The following VPS13D variants were observed in gnomAD, a reference collection of about 807,000 sequenced individuals.
The protein encoded by VPS13D is vacuolar protein sorting 13 homolog D.
In VPS13D, 187 loss-of-function variants were observed where a neutral mutation model predicts 461.9. The observed-to-expected ratio is 0.40, with a 90% CI of 0.36 to 0.46. The LOEUF (loss-of-function observed/expected upper bound fraction) is 0.46. Among genes scored for constraint, VPS13D ranks in the 20% least tolerant of loss-of-function variants. The pLI, the probability that VPS13D is intolerant of heterozygous loss-of-function variation, is 0.60. For synonymous variants in VPS13D, 1,951 were observed against 1,986.3 expected, an observed-to-expected ratio of 0.98 and a Z score of 0.47; for missense variants, 4,711 against 5,364.9, an observed-to-expected ratio of 0.88 and a Z score of 3.81.
chr1:12,237,018 T>C (rs1053236366), intron 2 of VPS13D, among the ~76,000 whole-genome samples: 8 of 152,022 alleles, frequency 5.3e-5, no homozygotes, highest in African/African-American at 1.9e-4. Context: ...CAGTGTATGA[T>C]TGGATTGGCT....
At position 12,507,899 on chromosome 1, in the gene VPS13D, C is replaced by A. The variant is rs1248699937; in HGVS notation, c.13035+806C>A. 6.6e-6 allele frequency among the ~76,000 whole-genome samples: 1 copy of A among 152,258 alleles called. No individual in the cohort carries two copies. The highest frequency in any genetic ancestry group is 1.5e-5 in the Non-Finnish European group (1 of 68,046). ...CCTGCTCATTCTCACCCGGCATACC[C>A]GGATTTTGAAGCTTGCATTCAAGAA... On this transcript the variant is annotated intron_variant, in intron 69 of 69. Transcript: ENST00000620676. The surrounding 1 kb of genome is among the most constrained non-coding windows in gnomAD (Gnocchi z 5.3).
chr1:12,402,091 C>T (rs1644589608), intron 62 of VPS13D, among the ~76,000 whole-genome samples: 1 of 152,158 alleles, frequency 6.6e-6, no homozygotes, highest in Admixed American at 6.5e-5. Flanking sequence ...GACTCCAGGC[C>T]AAGAATCAGA....
At chr1:12,433,652 A>C (rs752810482) in intron 65 of VPS13D, among the ~76,000 whole-genome samples, 1 of 152,194 alleles carries the variant, frequency 6.6e-6, no homozygotes, top group Non-Finnish European at 1.5e-5. Context: ...GGGATCATTC[A>C]TTCAGGCCTG....
At chr1:12,493,527 C>T (rs1439024082) in intron 67 of VPS13D, among the ~76,000 whole-genome samples, 1 of 151,198 alleles carries the variant, frequency 6.6e-6, no homozygotes, top group Non-Finnish European at 1.5e-5. Flanking sequence ...CCTCCAGGTG[C>T]TCATAGGCTT....
Position 12,385,244 on chromosome 1 carries a change from T to G in VPS13D, c.11371-16T>G. 1 of 1,605,390 alleles carries G rather than the reference T, an allele frequency of 6.2e-7. No homozygotes were observed. The highest frequency in any genetic ancestry group is 1.7e-5 in the Admixed American group (1 of 59,802). On this transcript the variant is annotated splice_polypyrimidine_tract_variant and intron_variant, in intron 58 of 69. Coordinates refer to ENST00000620676, the MANE Select transcript of VPS13D (RefSeq NM_015378.4). ...AAGAGTGAATCATCTTCTTGTGGTG[T>G]TTTATTTGACTTCAGATAACAGATT...
chr1:12,235,571 A>G lies in VPS13D; in HGVS notation c.97+1208A>G, dbSNP rs187643563. On this transcript the variant is annotated intron_variant, in intron 2 of 69. Transcript: ENST00000620676. The stretch of plus-strand genomic sequence containing the variant: ...GCCTGGGCAACAAGAGTGAAACTCC[A>G]TCGCAAAAAATAAAAAATAAAAAAA... Among the ~76,000 whole-genome samples, 308 of 152,252 alleles carry G rather than the reference A, an allele frequency of 2.0e-3. 2 individuals carry two copies. Among genetic ancestry groups the G allele is most frequent in the African/African-American group, 7.2e-3 (300 of 41,562 alleles).
chr1:12,368,437 A>G, intron 52 of VPS13D, 31 bp from the exon 53 acceptor site: 1 of 1,580,352 alleles, frequency 6.3e-7, no homozygotes, highest in Non-Finnish European at 8.6e-7. Flanking sequence ...CCTACATTTT[A>G]TGTAGCCTCT....
chr1:12,303,805 A>G (rs1488063082), intron 25 of VPS13D, among the ~76,000 whole-genome samples: 1 of 152,244 alleles, frequency 6.6e-6, no homozygotes, highest in Admixed American at 6.5e-5. Flanking sequence ...AAGCCCTGGG[A>G]AGCTTAAAAG....
intron 54 of VPS13D, among the ~76,000 whole-genome samples, chr1:12,373,122 T>TTTG (rs1644147024): frequency 7.5e-6 from 1 of 132,926 alleles, no homozygotes; most frequent in Non-Finnish European, 1.6e-5. Context: ...TTTTTTTTTT[T>TTTG]GCTTTTTTTG....
Position 12,510,031 on chromosome 1 carries a change from G to T in VPS13D, c.*1007G>T, listed in dbSNP as rs1241537157. The T allele has an allele frequency of 6.6e-6, 1 of 152,284 alleles. No homozygotes were observed. Among genetic ancestry groups the T allele is most frequent in the Non-Finnish European group, 1.5e-5 (1 of 68,064 alleles). The allele number at this position is 152,284 out of a possible 1,614,324, so 9.4% of individuals were successfully genotyped here. A position where few individuals can be genotyped will look rare whatever the true frequency, so the allele number is the denominator to read the frequency against. On this transcript the variant is annotated 3_prime_UTR_variant, in exon 70 of 70. Coordinates refer to ENST00000620676, the MANE Select transcript of VPS13D (RefSeq NM_015378.4). ...AATAAAGCCACAGGCAGGCATCGTA[G>T]CTCCACAGCCCGAGGGGACACAGGA...
rs1274222393 is a variant in VPS13D at position 12,358,534 on chromosome 1, T to C, written c.10074T>C (p.Gly3358=). ...GGTGTCAGGGCTTCTCCCTGGATGG[T>C]GGTAGTGGTGTCCGAGCTTTGAAAG... ...PGWCQGFSLD[G]GSGVRALKVI... is the part of the protein sequence containing the mutation. The change falls in exon 50 of 70, where the codon GGT becomes GGC. Residue 3358 remains glycine, a synonymous_variant. Coordinates refer to ENST00000620676, the MANE Select transcript of VPS13D (RefSeq NM_015378.4). The C allele has an allele frequency of 6.2e-7, 1 of 1,613,998 alleles. No individual in the cohort carries two copies. Among genetic ancestry groups the C allele is most frequent in the African/African-American group, 1.3e-5 (1 of 74,890 alleles).
intron 63 of VPS13D, among the ~76,000 whole-genome samples, chr1:12,407,859 G>A (rs2101694602): frequency 6.6e-6 from 1 of 152,254 alleles, no homozygotes; most frequent in East Asian, 1.9e-4. Flanking sequence ...ATATTTGGTT[G>A]CAAGGACAAA....
chr1:12,283,422 C>A lies in VPS13D; in HGVS notation c.5320C>A (p.Leu1774Ile). The change falls in exon 21 of 70, where the codon CTT becomes ATT. Residue 1774 changes from leucine to isoleucine, a missense_variant. Transcript: ENST00000620676. Reference protein sequence around the residue: ...PSPTVDEPKILVGKSKFDDSL... With the variant: ...PSPTVDEPKIIVGKSKFDDSL... The stretch of plus-strand genomic sequence containing the variant: ...TCCAACAGTGGATGAGCCCAAGATA[C>A]TTGTTGGAAAGAGTAAATTTGATGA... 1 of 1,614,234 alleles carries A rather than the reference C, an allele frequency of 6.2e-7. No homozygotes were observed. Among genetic ancestry groups the A allele is most frequent in the Non-Finnish European group, 8.5e-7 (1 of 1,180,036 alleles).
chr1:12,296,150 A>G (rs776803347), intron 24 of VPS13D, among the ~76,000 whole-genome samples: 4 of 152,144 alleles, frequency 2.6e-5, no homozygotes, highest in Non-Finnish European at 4.4e-5. Flanking sequence ...TGATGCACAT[A>G]CTTGAGACTT....
chr1:12,258,879 C>T (rs570617154), intron 10 of VPS13D, among the ~76,000 whole-genome samples: 1 of 152,280 alleles, frequency 6.6e-6, no homozygotes, highest in South Asian at 2.1e-4. Flanking sequence ...AATGCTGAAG[C>T]CCTAGTGGTT....
At chr1:12,349,495 G>A in intron 46 of VPS13D, 121 bp downstream of exon 46, 2 of 1,019,346 alleles carry the variant, frequency 2.0e-6, no homozygotes, top group Non-Finnish European at 2.8e-6. Context: ...AAACTCTAAA[G>A]TTCTTATTCC....
Position 12,506,884 on chromosome 1 carries a change from T to C in VPS13D, c.12826T>C (p.Cys4276Arg). The C allele has an allele frequency of 6.2e-7, 1 of 1,614,280 alleles. No homozygotes were observed. The change falls in exon 69 of 70, where the codon TGC becomes CGC. Residue 4276 changes from cysteine to arginine, a missense_variant. By Grantham distance (180) the Cys-to-Arg change is radical (BLOSUM62 -3). Around this residue, in one of 3 missense-constraint regions of VPS13D, gnomAD observed 194 missense variants for 220.9 expected, o/e 0.88. Transcript: ENST00000620676. ...CGCTGTGGAGAACATTGACAGCTAC[T>C]GCGTGCTCATCTCCTCCAAAGCTGT... ...FIAVENIDSY[C>R]VLISSKAVYF...
At chr1:12,358,363 C>T in intron 49 of VPS13D, 96 bp from the exon 50 acceptor site, 3 of 1,493,222 alleles carry the variant, frequency 2.0e-6, no homozygotes, top group Non-Finnish European at 2.7e-6. Context: ...AGAGATGGAA[C>T]TTGGGTGATA....
intron 67 of VPS13D, among the ~76,000 whole-genome samples, chr1:12,470,614 G>A (rs1209994221): frequency 6.6e-6 from 1 of 152,174 alleles, no homozygotes. Context: ...CATTTAATAA[G>A]TATTAAATAC....
Sources: allele counts gnomAD v4.1 joint callset (sites outside exome capture counted in the v4.1 genomes callset), GRCh38; gene constraint gnomAD v4.1.1; regional missense constraint gnomAD v4.1.1; non-coding constraint Gnocchi (gnomAD v3.1); transcripts MANE v1.5; gene names NCBI Gene and HGNC (gene_info 2026-07-23, HGNC 2026-07-21).